SPACA1: variants seen among roughly 807,000 people sequenced by gnomAD.
The protein encoded by SPACA1 is sperm acrosome associated 1, also known as sperm acrosome membrane-associated protein 1.
SPACA1 carries 17 observed loss-of-function variants against 32.6 expected under a neutral mutation model. That is an observed-to-expected ratio of 0.52 (90% CI 0.36 to 0.78). The LOEUF (loss-of-function observed/expected upper bound fraction) is 0.78. SPACA1 is among the 30% of genes least tolerant of loss of function. SPACA1 has a pLI of 0.01. For missense variants in SPACA1, 363 were observed against 373.4 expected, an observed-to-expected ratio of 0.97 and a Z score of 0.23; for synonymous variants, 140 against 138.1, an observed-to-expected ratio of 1.01 and a Z score of -0.10.
intron 5 of SPACA1, among the ~76,000 whole-genome samples, chr6:88,063,893 A>C (rs1775934942): frequency 6.6e-6 from 1 of 152,212 alleles, no homozygotes; most frequent in Admixed American, 6.6e-5. Flanking sequence ...GTGGTAATAC[A>C]GGCTGTTCGT....
rs1409733432 is a variant in SPACA1 at position 88,055,009 on chromosome 6, CTTCT to C, written c.265+1012_265+1015del. 3.9e-5 allele frequency among the ~76,000 whole-genome samples: 6 copies of C among 152,118 alleles called. No individual in the cohort carries two copies. In the East Asian group the frequency reaches 1.2e-3, roughly 29 times the overall value. On this transcript the variant is annotated intron_variant, in intron 2 of 6. Coordinates refer to ENST00000237201, the MANE Select transcript of SPACA1 (RefSeq NM_030960.3). ...CTCCTCCCAGCTCCTGGCAACCACT[CTTCT>C]TTCTATCTCTTAAAATTGTTTTAAC... is the stretch of plus-strand genomic sequence containing the variant.
At chr6:88,053,556 A>G (rs1775761952) in intron 1 of SPACA1, among the ~76,000 whole-genome samples, 1 of 152,218 alleles carries the variant, frequency 6.6e-6, no homozygotes, top group African/African-American at 2.4e-5. Context: ...TTGAATGGAA[A>G]TTATACACTC....
At chr6:88,055,231 A>G (rs868397129) in intron 2 of SPACA1, among the ~76,000 whole-genome samples, 1 of 152,186 alleles carries the variant, frequency 6.6e-6, no homozygotes, top group African/African-American at 2.4e-5. Flanking sequence ...TTATTTAAAG[A>G]CAAGTTTAGA....
chr6:88,054,146 C>G (rs1174206948), intron 2 of SPACA1, 144 bp downstream of exon 2: 2 of 555,690 alleles, frequency 3.6e-6, no homozygotes. Context: ...AATGTATACA[C>G]AAAACTCAGG....
At position 88,066,313 on chromosome 6, in the gene SPACA1, C is replaced by G; in HGVS notation, c.863C>G (p.Ala288Gly). Residue 288 changes from alanine (A) to glycine (G), a missense_variant, in exon 7 of 7, where the codon GCT becomes GGT. Ala to Gly is a moderately conservative substitution (Grantham distance 60). Coordinates refer to ENST00000237201, the MANE Select transcript of SPACA1 (RefSeq NM_030960.3). ...LPTEMPGEDD[A>G]LSEWNE is the part of the protein sequence containing the mutation. The stretch of plus-strand genomic sequence containing the variant: ...ACAGAAATGCCTGGTGAAGATGATG[C>G]TTTAAGTGAATGGAATGAATGATGT... 1 of 1,610,938 alleles carries G rather than the reference C, an allele frequency of 6.2e-7. No homozygotes were observed. The highest frequency in any genetic ancestry group is 8.5e-7 in the Non-Finnish European group (1 of 1,178,350).
At chr6:88,065,329 G>T (rs1423194066) in intron 6 of SPACA1, among the ~76,000 whole-genome samples, 1 of 147,028 alleles carries the variant, frequency 6.8e-6, no homozygotes, top group South Asian at 2.1e-4. Flanking sequence ...TATTTACATG[G>T]ATGTATATAT....
chr6:88,047,660 T>G (rs1457338974), upstream of SPACA1: 1 of 474,008 alleles, frequency 2.1e-6, no homozygotes. Context: ...CGGCGTCCTC[T>G]CCTAGGGACT....
intron 2 of SPACA1, among the ~76,000 whole-genome samples, chr6:88,054,367 G>T (rs947535959): frequency 6.6e-6 from 1 of 151,916 alleles, no homozygotes; most frequent in Non-Finnish European, 1.5e-5. Context: ...TCAAGAATTT[G>T]CTTATTTGTA....
chr6:88,047,688 C>T (rs1775659237), upstream of SPACA1: 2 of 525,354 alleles, frequency 3.8e-6, no homozygotes, highest in African/African-American at 2.0e-5. Context: ...CGCGGCTTCT[C>T]GTCGCGTTCC....
At chr6:88,055,369 T>C (rs1465446717) in intron 2 of SPACA1, among the ~76,000 whole-genome samples, 1 of 152,114 alleles carries the variant, frequency 6.6e-6, no homozygotes, top group Admixed American at 6.6e-5. Context: ...CAATGTATAG[T>C]TTAGTAAGAG....
At chr6:88,060,256 T>G (rs1434300875) in intron 5 of SPACA1, among the ~76,000 whole-genome samples, 1 of 152,236 alleles carries the variant, frequency 6.6e-6, no homozygotes, top group Non-Finnish European at 1.5e-5. Context: ...TATTTCCTTT[T>G]GTTCAGCTGC....
intron 5 of SPACA1, 159 bp from the exon 6 acceptor site, chr6:88,063,940 G>A (rs1052814023): frequency 1.4e-6 from 1 of 702,476 alleles, no homozygotes; most frequent in Non-Finnish European, 2.1e-6. Flanking sequence ...GTTTGAAAAG[G>A]ACATTTCAAA....
intron 1 of SPACA1, among the ~76,000 whole-genome samples, chr6:88,050,011 TC>T (rs2127797626): frequency 6.6e-6 from 1 of 152,352 alleles, no homozygotes; most frequent in East Asian, 1.9e-4. Context: ...GAAAATATTT[TC>T]ATCTTTAGAT....
rs1009859130 is a variant in SPACA1 at position 88,059,505 on chromosome 6, G to A, written c.527G>A (p.Ser176Asn). 20 of 1,613,166 alleles carry A rather than the reference G, an allele frequency of 1.2e-5. No individual in the cohort carries two copies. Among genetic ancestry groups the A allele is most frequent in the Admixed American group, 3.3e-5 (2 of 59,898 alleles). ...GCAATCCTAGAAGTACGCAAGGAAA[G>A]TCACCCCTTGGCTTTCGAGTGTGAC... is the stretch of plus-strand genomic sequence containing the variant. ...DSAILEVRKE[S>N]HPLAFECDTL... Residue 176 changes from serine (S) to asparagine (N), a missense_variant, in exon 5 of 7, where the codon AGT becomes AAT. Coordinates refer to ENST00000237201, the MANE Select transcript of SPACA1 (RefSeq NM_030960.3).
Position 88,051,462 on chromosome 6 carries a change from A to G in SPACA1, c.209-2484A>G, listed in dbSNP as rs145045830. 1.1e-3 allele frequency among the ~76,000 whole-genome samples: 164 copies of G among 152,300 alleles called. 1 individual carries two copies. The highest frequency in any genetic ancestry group is 6.0e-3 in the South Asian group (29 of 4,822). On this transcript the variant is annotated intron_variant, in intron 1 of 6. Transcript: ENST00000237201. ...AATTGCACTCTGATGATATATACCA[A>G]AAGTTACCATGTGCTGTCCTGAACT...
rs1177704773 is a variant in SPACA1 at position 88,058,740 on chromosome 6, T to C, written c.392T>C (p.Leu131Pro). Residue 131 changes from leucine to proline, a missense_variant, in exon 4 of 7, where the codon CTT becomes CCT. Transcript: ENST00000237201. ...CGWGKPISES[L>P]ESVRLACIHT... ...GGGGGTAAACCAATTTCAGAAAGTC[T>C]TGAAAGTGTTAGATTGGCATGTATT... is the stretch of plus-strand genomic sequence containing the variant. The C allele has an allele frequency of 6.2e-7, 1 of 1,613,670 alleles. No individual in the cohort carries two copies. The highest frequency in any genetic ancestry group is 1.1e-5 in the South Asian group (1 of 90,986).
intron 3 of SPACA1, 60 bp from the exon 4 acceptor site, chr6:88,058,656 T>C: frequency 8.1e-7 from 1 of 1,227,436 alleles, no homozygotes; most frequent in South Asian, 1.3e-5. Context: ...AAAAAAGTAA[T>C]TTCGTGTATA....
chr6:88,049,913 T>C (rs922814695), intron 1 of SPACA1, among the ~76,000 whole-genome samples: 4 of 152,214 alleles, frequency 2.6e-5, no homozygotes, highest in Non-Finnish European at 5.9e-5. Context: ...CTTTTTGCAC[T>C]TGTATTGTCA....
intron 6 of SPACA1, among the ~76,000 whole-genome samples, chr6:88,064,704 G>C (rs1323002517): frequency 6.7e-6 from 1 of 150,234 alleles, no homozygotes; most frequent in Non-Finnish European, 1.5e-5. Context: ...GCACTTCTTA[G>C]AGAAGAGGTA....
Sources: gnomAD v4.1 joint callset for allele counts (sites outside exome capture counted in the v4.1 genomes callset) on GRCh38, gnomAD v4.1.1 for gene constraint, MANE v1.5 for transcripts, NCBI Gene and HGNC (gene_info 2026-07-23, HGNC 2026-07-21) for gene names.